AKAP6: variants seen among roughly 807,000 people sequenced by gnomAD.
The protein encoded by AKAP6 is A-kinase anchor protein 6.
Under a neutral mutation model 188.5 loss-of-function variants are expected in AKAP6, and 58 were observed. The ratio of observed to expected loss-of-function variants is 0.31; its 90% CI spans 0.25 to 0.38. The LOEUF is 0.38. Ranked by LOEUF, AKAP6 falls within the 10% of genes least tolerant of loss-of-function variation. AKAP6 has a pLI of 1.00. For synonymous variants in AKAP6, 989 were observed against 998.6 expected (o/e 0.99, Z 0.18); for missense variants, 2,710 against 2,740.0 (o/e 0.99, Z 0.24).
At chr14:32,613,530 T>G (rs1480511169) in intron 7 of AKAP6, among the ~76,000 whole-genome samples, 1 of 152,210 alleles carries the variant, frequency 6.6e-6, no homozygotes, top group Non-Finnish European at 1.5e-5. Context: ...TTTCTGCTGC[T>G]CATCCCCAAA....
chr14:32,652,586 A>G (rs1888276859), intron 7 of AKAP6, among the ~76,000 whole-genome samples: 1 of 152,144 alleles, frequency 6.6e-6, no homozygotes, highest in Admixed American at 6.6e-5. Flanking sequence ...TATATTTTGC[A>G]TTTTCTTTAA....
chr14:32,502,892 A>G (rs1349540378), intron 2 of AKAP6, among the ~76,000 whole-genome samples: 2 of 152,160 alleles, frequency 1.3e-5, no homozygotes, highest in African/African-American at 2.4e-5. Context: ...ATTGCAATAA[A>G]TAAGCTTGAA....
intron 5 of AKAP6, among the ~76,000 whole-genome samples, chr14:32,578,376 T>C (rs763788673): frequency 1.3e-5 from 2 of 152,138 alleles, no homozygotes; most frequent in Non-Finnish European, 2.9e-5. Context: ...TGGTAGAGGA[T>C]GAGTGTATTG....
intron 4 of AKAP6, among the ~76,000 whole-genome samples, chr14:32,575,270 A>G (rs1222833685): frequency 6.6e-6 from 1 of 152,210 alleles, no homozygotes; most frequent in African/African-American, 2.4e-5. Flanking sequence ...ATGATCTTGC[A>G]TGGATTCTTG....
chr14:32,344,916 A>T (rs1157986336), intron 1 of AKAP6, among the ~76,000 whole-genome samples: 1 of 62,142 alleles, frequency 1.6e-5, no homozygotes, highest in Non-Finnish European at 3.3e-5. Flanking sequence ...ACTCTGTCTT[A>T]AAAAAAAAAA....
chr14:32,516,498 G>A (rs1469143244), intron 2 of AKAP6, among the ~76,000 whole-genome samples: 1 of 152,136 alleles, frequency 6.6e-6, no homozygotes, highest in Non-Finnish European at 1.5e-5. Context: ...CCTTGATCAG[G>A]TTTCTTATAA....
chr14:32,356,307 C>T (rs1358797974), intron 1 of AKAP6, among the ~76,000 whole-genome samples: 1 of 152,152 alleles, frequency 6.6e-6, no homozygotes, highest in Non-Finnish European at 1.5e-5. Flanking sequence ...GGGCTTGCTC[C>T]TACTATCCAT....
intron 11 of AKAP6, among the ~76,000 whole-genome samples, chr14:32,738,078 T>C (rs764023652): frequency 3.5e-4 from 53 of 152,014 alleles, no homozygotes; most frequent in Non-Finnish European, 5.0e-4. Flanking sequence ...AGCTCTGGGA[T>C]AGGAATGCAG....
At chr14:32,617,389 A>G (rs1166186207) in intron 7 of AKAP6, among the ~76,000 whole-genome samples, 1 of 150,422 alleles carries the variant, frequency 6.6e-6, no homozygotes, top group Non-Finnish European at 1.5e-5. Flanking sequence ...ATCAATTCCC[A>G]CAGCATTTGT....
chr14:32,755,401 A>T (rs2032292277), intron 11 of AKAP6, among the ~76,000 whole-genome samples: 1 of 151,592 alleles, frequency 6.6e-6, no homozygotes, highest in Non-Finnish European at 1.5e-5. Flanking sequence ...TGTATTGCTT[A>T]CCAGATTTTG....
At chr14:32,637,959 G>GT (rs1340727037) in intron 7 of AKAP6, among the ~76,000 whole-genome samples, 11 of 152,214 alleles carry the variant, frequency 7.2e-5, no homozygotes, top group Non-Finnish European at 1.5e-4. Context: ...CCCAGGGCAA[G>GT]TGCCATAATC....
chr14:32,582,802 T>C (rs1271435842), intron 5 of AKAP6, among the ~76,000 whole-genome samples: 2 of 152,218 alleles, frequency 1.3e-5, no homozygotes, highest in Non-Finnish European at 2.9e-5. Flanking sequence ...GCTTCTGCAT[T>C]CTTCACGTAG....
intron 2 of AKAP6, among the ~76,000 whole-genome samples, chr14:32,467,203 A>AGTT (rs1409372111): frequency 7.0e-6 from 1 of 142,258 alleles, no homozygotes. Flanking sequence ...CTAAAATAAA[A>AGTT]GTTGGAAGGA....
At chr14:32,685,128 G>T (rs1317135319) in intron 8 of AKAP6, among the ~76,000 whole-genome samples, 1 of 152,008 alleles carries the variant, frequency 6.6e-6, no homozygotes, top group African/African-American at 2.4e-5. Context: ...GCTGGGCATG[G>T]TGGTTTGCAT....
At chr14:32,451,491 G>A (rs1057320852) in intron 2 of AKAP6, among the ~76,000 whole-genome samples, 2 of 152,076 alleles carry the variant, frequency 1.3e-5, no homozygotes, top group Non-Finnish European at 2.9e-5. Flanking sequence ...GCATAGTTAT[G>A]CCAAAGTACA....
intron 1 of AKAP6, among the ~76,000 whole-genome samples, chr14:32,337,855 A>C (rs1230462775): frequency 6.6e-6 from 1 of 152,056 alleles, no homozygotes; most frequent in Non-Finnish European, 1.5e-5. Context: ...TAACATAACC[A>C]GCATAAGGAG....
At chr14:32,577,783 C>A (rs955351097) in intron 5 of AKAP6, among the ~76,000 whole-genome samples, 1 of 151,858 alleles carries the variant, frequency 6.6e-6, no homozygotes, top group Non-Finnish European at 1.5e-5. Context: ...ATAGAGAAAA[C>A]CATGGAGGGG....
intron 1 of AKAP6, among the ~76,000 whole-genome samples, chr14:32,332,239 C>T (rs542565584): frequency 3.2e-4 from 48 of 152,212 alleles, no homozygotes; most frequent in South Asian, 4.1e-4. Flanking sequence ...TGCTTACCCA[C>T]GGCCATCTCA....
At chr14:32,456,996 C>T (rs867214430) in intron 2 of AKAP6, among the ~76,000 whole-genome samples, 3 of 152,126 alleles carry the variant, frequency 2.0e-5, no homozygotes, top group Non-Finnish European at 4.4e-5. Context: ...GATGTAACTT[C>T]ATAGACAGAC....
Sources: allele counts gnomAD v4.1 joint callset (sites outside exome capture counted in the v4.1 genomes callset), GRCh38; gene constraint gnomAD v4.1.1; transcripts MANE v1.5; gene names NCBI Gene and HGNC (gene_info 2026-07-23, HGNC 2026-07-21).